Variants in PTPRD observed in about 807,000 individuals in gnomAD.
PTPRD encodes receptor-type tyrosine-protein phosphatase delta.
Under a neutral mutation model 214.5 loss-of-function variants are expected in PTPRD, and 34 were observed. The observed-to-expected ratio is 0.16, with a 90% CI of 0.12 to 0.21. The LOEUF is 0.21. Ranked by LOEUF, PTPRD falls within the 10% of genes least tolerant of loss-of-function variation. The pLI is 1.00. For missense variants in PTPRD, 2,545 were observed against 2,398.7 expected (o/e 1.06, Z -1.27); for synonymous variants, 1,128 against 845.7 (o/e 1.33, Z -5.79).
chr9:8,691,818 C>T (rs990279369), intron 12 of PTPRD, among the ~76,000 whole-genome samples: 1 of 152,150 alleles, frequency 6.6e-6, no homozygotes, highest in Non-Finnish European at 1.5e-5. Flanking sequence ...CAACTTTATG[C>T]AACTTTATTT....
rs146919790 is a variant in PTPRD, at chr9:9,020,815, T to C, written c.-142-2080A>G. 1.8e-3 allele frequency among the ~76,000 whole-genome samples: 280 copies of C among 152,242 alleles called. 1 individual carries two copies. Among genetic ancestry groups the C allele is most frequent in the African/African-American group, 6.1e-3 (255 of 41,542 alleles). On this transcript the variant is annotated intron_variant, in intron 10 of 45. Coordinates refer to ENST00000381196, the MANE Select transcript of PTPRD (RefSeq NM_002839.4). ...TGTCATGAAGTGGAAGCAAAGGTCA[T>C]TGAATGAGAATAGATAAAAGCACCC...
intron 9 of PTPRD, among the ~76,000 whole-genome samples, chr9:9,224,014 C>A (rs2133492886): frequency 6.6e-6 from 1 of 152,126 alleles, no homozygotes; most frequent in South Asian, 2.1e-4. Context: ...TACTAATCTG[C>A]TTACTTTCAT....
At chr9:10,347,692 G>A (rs577178532) in intron 2 of PTPRD, among the ~76,000 whole-genome samples, 165 of 152,060 alleles carry the variant, frequency 1.1e-3, no homozygotes, top group Middle Eastern at 3.4e-3. Context: ...TTACAGGCGT[G>A]AGTCACTGCA....
At chr9:8,442,642 GA>G (rs1337779674) in intron 34 of PTPRD, among the ~76,000 whole-genome samples, 21 of 152,108 alleles carry the variant, frequency 1.4e-4, no homozygotes, top group Admixed American at 6.5e-5. Flanking sequence ...GCCAGAAAGA[GA>G]AAATTCATTC....
intron 2 of PTPRD, among the ~76,000 whole-genome samples, chr9:10,360,305 A>G (rs1241417732): frequency 6.6e-6 from 1 of 152,246 alleles, no homozygotes; most frequent in Non-Finnish European, 1.5e-5. Context: ...AAAAATTTAG[A>G]AAGGGTATTT....
At chr9:9,288,458 A>T (rs1215023987) in intron 9 of PTPRD, among the ~76,000 whole-genome samples, 1 of 151,896 alleles carries the variant, frequency 6.6e-6, no homozygotes, top group East Asian at 2.0e-4. Flanking sequence ...AGATCAGAGT[A>T]TTTCCATAGT....
At chr9:10,374,556 A>T (rs957410807) in intron 2 of PTPRD, among the ~76,000 whole-genome samples, 1 of 151,958 alleles carries the variant, frequency 6.6e-6, no homozygotes. Flanking sequence ...TCAGGAACCC[A>T]CAGATCATCA....
chr9:8,982,314 T>A (rs2099316874), intron 11 of PTPRD, among the ~76,000 whole-genome samples: 1 of 151,986 alleles, frequency 6.6e-6, no homozygotes, highest in Non-Finnish European at 1.5e-5. Context: ...ATGCGTTAGC[T>A]TCTTTTAGGG....
At chr9:9,001,306 T>A (rs2099417345) in intron 11 of PTPRD, among the ~76,000 whole-genome samples, 1 of 152,046 alleles carries the variant, frequency 6.6e-6, no homozygotes, top group Non-Finnish European at 1.5e-5. Flanking sequence ...GAGCTATCTG[T>A]GCATTTGTGA....
At chr9:9,825,965 A>C (rs889410258) in intron 5 of PTPRD, among the ~76,000 whole-genome samples, 5 of 151,656 alleles carry the variant, frequency 3.3e-5, no homozygotes, top group Non-Finnish European at 7.4e-5. Flanking sequence ...TGATATCCTT[A>C]AGTACATGAA....
intron 3 of PTPRD, among the ~76,000 whole-genome samples, chr9:10,269,226 A>G (rs1276526458): frequency 6.6e-6 from 1 of 152,236 alleles, no homozygotes; most frequent in Non-Finnish European, 1.5e-5. Context: ...AAGAAGTCTA[A>G]TGCAATTTCT....
chr9:8,520,576 A>C (rs1334410458), intron 20 of PTPRD, among the ~76,000 whole-genome samples: 1 of 152,180 alleles, frequency 6.6e-6, no homozygotes. Context: ...CTCAATTTGC[A>C]AACACTTTCT....
chr9:9,751,017 A>G lies in PTPRD; in HGVS notation c.-326+15793T>C, dbSNP rs1018445059. The stretch of plus-strand genomic sequence containing the variant: ...TACAGTGCCTAATTTTGATTTTCCA[A>G]TGCAACTTACACGACTTCAGAATGT... On this transcript the variant is annotated intron_variant, in intron 6 of 45. Transcript: ENST00000381196. 4.6e-5 allele frequency among the ~76,000 whole-genome samples: 7 copies of G among 152,138 alleles called. No individual in the cohort carries two copies. The South Asian group carries it at 1.0e-3, about 23-fold the overall frequency.
chr9:8,647,626 T>C (rs2096723035), intron 12 of PTPRD, among the ~76,000 whole-genome samples: 1 of 152,216 alleles, frequency 6.6e-6, no homozygotes, highest in African/African-American at 2.4e-5. Context: ...ATGTAATTCC[T>C]ATATGTGAAT....
At chr9:8,814,658 C>T (rs1156246437) in intron 11 of PTPRD, among the ~76,000 whole-genome samples, 2 of 152,166 alleles carry the variant, frequency 1.3e-5, no homozygotes, top group African/African-American at 4.8e-5. Flanking sequence ...TTGGAGAGCA[C>T]AAACCATCTG....
At chr9:9,049,960 A>G (rs1435563955) in intron 10 of PTPRD, among the ~76,000 whole-genome samples, 1 of 152,182 alleles carries the variant, frequency 6.6e-6, no homozygotes, top group African/African-American at 2.4e-5. Flanking sequence ...ATTTTGATCT[A>G]TGAGGTAGCA....
chr9:9,477,315 CCA>C (rs2095127636), intron 8 of PTPRD, among the ~76,000 whole-genome samples: 1 of 152,112 alleles, frequency 6.6e-6, no homozygotes, highest in Admixed American at 6.6e-5. Context: ...ATGATATCAC[CCA>C]TTGAGATTAA....
At chr9:9,248,529 G>A (rs1256471552) in intron 9 of PTPRD, among the ~76,000 whole-genome samples, 1 of 152,066 alleles carries the variant, frequency 6.6e-6, no homozygotes, top group Non-Finnish European at 1.5e-5. Context: ...AGACAGATAT[G>A]AATTAGCACC....
rs2098689210 is a variant in PTPRD, at chr9:8,733,964, G to C, written c.-103-18C>G. On this transcript the variant is annotated intron_variant, in intron 11 of 45. Coordinates refer to ENST00000381196, the MANE Select transcript of PTPRD (RefSeq NM_002839.4). Reference sequence around the variant, plus strand: ...TTCAGAGCCTGAAAGCGGGGAGGAAGAGAAAAGAAAAGGAAGAAAACACAA... The same window carrying C: ...TTCAGAGCCTGAAAGCGGGGAGGAACAGAAAAGAAAAGGAAGAAAACACAA... 2.0e-6 allele frequency: 2 copies of C among 1,015,774 alleles called. No individual in the cohort carries two copies. The highest frequency in any genetic ancestry group is 2.9e-6 in the Non-Finnish European group (2 of 680,892). 62.9% of individuals were successfully genotyped at this position (1,015,774 alleles called of 1,614,324 possible). A position where few individuals can be genotyped will look rare whatever the true frequency, so the allele number is the denominator to read the frequency against.
Sources: gnomAD v4.1 joint callset for allele counts (sites outside exome capture counted in the v4.1 genomes callset) on GRCh38, gnomAD v4.1.1 for gene constraint, MANE v1.5 for transcripts, NCBI Gene and HGNC (gene_info 2026-07-23, HGNC 2026-07-21) for gene names.